Variants in F2 observed in about 807,000 individuals in gnomAD.
F2 encodes coagulation factor II, thrombin.
A neutral mutation model predicts 81.9 loss-of-function variants in F2; 34 were observed. That is an observed-to-expected ratio of 0.42 (90% confidence interval 0.32 to 0.55). The LOEUF is 0.55. F2 is among the 20% of genes least tolerant of loss of function. The pLI is 0.18. For missense variants in F2, 630 were observed against 833.4 expected, an observed-to-expected ratio of 0.76 and a Z score of 3.00; for synonymous variants, 296 against 326.4, an observed-to-expected ratio of 0.91 and a Z score of 1.01.
intron 12 of F2, among the ~76,000 whole-genome samples, chr11:46,734,400 A>G (rs2064932198): frequency 6.6e-6 from 1 of 151,852 alleles, no homozygotes. Flanking sequence ...GTTTTCTCCT[A>G]GTTTGTCAGT....
In F2 at chr11:46,726,148, T is replaced by C. The variant is rs200038743; in HGVS notation, c.849T>C (p.Phe283=). ...ATGTGGCCGGGAAGCCTGGCGACTT[T>C]GGGTACTGCGACCTCAACTATTGTG... The part of the protein sequence containing the change: ...WCYVAGKPGD[F]GYCDLNYCEE... Residue 283 remains phenylalanine, a synonymous_variant, in exon 7 of 14, where the codon TTT becomes TTC. Coordinates refer to ENST00000311907, the MANE Select transcript of F2 (RefSeq NM_000506.5). The surrounding 1 kb of genome is among the most constrained non-coding windows in gnomAD (Gnocchi z 5.9). 6.2e-7 allele frequency: 1 copy of C among 1,614,000 alleles called. No individual in the cohort carries two copies. Among genetic ancestry groups the C allele is most frequent in the Non-Finnish European group, 8.5e-7 (1 of 1,180,016 alleles).
chr11:46,720,756 C>T (rs1246042382), intron 3 of F2, 34 bp from the exon 4 acceptor site: 1 of 1,613,220 alleles, frequency 6.2e-7, no homozygotes, highest in Admixed American at 1.7e-5. Flanking sequence ...GGCCATACCC[C>T]AATCCCAAAG....
chr11:46,726,817 A>G lies in F2; in HGVS notation c.1110A>G (p.Ala370=), dbSNP rs1169950300. 2 of 1,614,158 alleles carry G rather than the reference A, an allele frequency of 1.2e-6. No individual in the cohort carries two copies. The highest frequency in any genetic ancestry group is 2.7e-5 in the African/African-American group (2 of 75,056). The stretch of plus-strand genomic sequence containing the variant: ...GGCGCATTGTGGAGGGCTCGGATGC[A>G]GAGATCGGCATGTCACCTTGGTGTG... The part of the protein sequence containing the change: ...IDGRIVEGSD[A]EIGMSPWQVM... The change falls in exon 9 of 14, where the codon GCA becomes GCG. Residue 370 remains alanine (A), a synonymous_variant. Coordinates refer to ENST00000311907, the MANE Select transcript of F2 (RefSeq NM_000506.5). This position sits in a 1 kb window ranked among gnomAD's most constrained non-coding sequence, Gnocchi z 5.9.
Position 46,729,541 on chromosome 11 carries a change from C to G in F2, c.1634C>G (p.Thr545Ser). 1 of 1,613,732 alleles carries G rather than the reference C, an allele frequency of 6.2e-7. No homozygotes were observed. Among genetic ancestry groups the G allele is most frequent in the Non-Finnish European group, 8.5e-7 (1 of 1,179,690 alleles). Residue 545 changes from threonine (T) to serine (S), a missense_variant, in exon 12 of 14, where the codon ACT becomes AGT. By Grantham distance (58) the Thr-to-Ser change is moderately conservative. Transcript: ENST00000311907. The part of the protein sequence containing the change: ...VCKDSTRIRI[T>S]DNMFCAGYKP... ...AAGGACTCCACCCGGATCCGCATCA[C>G]TGACAACATGTTCTGTGCTGGCAAG...
chr11:46,720,380 T>C, intron 2 of F2, 143 bp from the exon 3 acceptor site: 1 of 870,058 alleles, frequency 1.1e-6, no homozygotes, highest in South Asian at 1.4e-5. Flanking sequence ...GAAACAAAAG[T>C]AGGAAACTCT....
intron 12 of F2, 56 bp downstream of exon 12, chr11:46,729,617 A>T: frequency 6.3e-7 from 1 of 1,585,446 alleles, no homozygotes; most frequent in Non-Finnish European, 8.6e-7. Flanking sequence ...GGGAGAACTG[A>T]GTTGTGCCTG....
chr11:46,736,833 C>T (rs3136500), intron 12 of F2, among the ~76,000 whole-genome samples: 10,117 of 152,172 alleles, frequency 0.066, 389 homozygotes, highest in Non-Finnish European at 0.09. Context: ...TGTCAACATG[C>T]CTAGGTCTAT....
chr11:46,738,024 G>GTCC (rs909340174), intron 12 of F2, among the ~76,000 whole-genome samples: 4 of 151,736 alleles, frequency 2.6e-5, no homozygotes, highest in African/African-American at 9.7e-5. Context: ...TCGAGACAGA[G>GTCC]TCTTGTTCTG....
chr11:46,720,412 T>G (rs1171252151), intron 2 of F2, 111 bp from the exon 3 acceptor site: 2 of 1,262,130 alleles, frequency 1.6e-6, no homozygotes, highest in Non-Finnish European at 2.3e-6. Flanking sequence ...CCCCAGAGCC[T>G]GCCCCCTGCG....
intron 12 of F2, among the ~76,000 whole-genome samples, chr11:46,737,718 G>A (rs553026366): frequency 5.3e-5 from 8 of 152,240 alleles, no homozygotes; most frequent in South Asian, 2.1e-4. Context: ...TATTACGGGC[G>A]TGAGCCACTG....
chr11:46,728,537 A>G lies in F2; in HGVS notation c.1299-127A>G. 1 of 1,085,466 alleles carries G rather than the reference A, an allele frequency of 9.2e-7. No homozygotes were observed. The highest frequency in any genetic ancestry group is 1.3e-5 in the South Asian group (1 of 74,462). 67.2% of individuals were successfully genotyped at this position (1,085,466 alleles called of 1,614,324 possible). A position where few individuals can be genotyped will look rare whatever the true frequency, so the allele number is the denominator to read the frequency against. On this transcript the variant is annotated intron_variant, in intron 10 of 13. Coordinates refer to ENST00000311907, the MANE Select transcript of F2 (RefSeq NM_000506.5). This position sits in a 1 kb window ranked among gnomAD's most constrained non-coding sequence, Gnocchi z 5.1. ...CACCCAGGGGGCTGCCATGGCAGGAACCAGCCCTATCCCCTCCCTGGTGGC... is the reference window on the plus strand; with the variant it reads ...CACCCAGGGGGCTGCCATGGCAGGAGCCAGCCCTATCCCCTCCCTGGTGGC...
At chr11:46,734,689 T>C (rs1405273992) in intron 12 of F2, among the ~76,000 whole-genome samples, 1 of 152,104 alleles carries the variant, frequency 6.6e-6, no homozygotes, top group African/African-American at 2.4e-5. Flanking sequence ...CTGATGCCTG[T>C]AGTCCCAGCT....
intron 12 of F2, among the ~76,000 whole-genome samples, chr11:46,734,800 G>A (rs2064934540): frequency 6.6e-6 from 1 of 152,178 alleles, no homozygotes; most frequent in East Asian, 1.9e-4. Flanking sequence ...GACAGAGCAA[G>A]ACTCTGTCTC....
Position 46,739,406 on chromosome 11 carries a change from T to C in F2, c.1867T>C (p.Ter623GlnextTer?). The C allele has an allele frequency of 6.2e-7, 1 of 1,613,774 alleles. No homozygotes were observed. Among genetic ancestry groups the C allele is most frequent in the Non-Finnish European group, 8.5e-7 (1 of 1,179,958 alleles). Residue 623 changes from the stop codon to glutamine, a stop_lost, in exon 14 of 14, where the codon TAG (stop) becomes CAG (glutamine). Coordinates refer to ENST00000311907, the MANE Select transcript of F2 (RefSeq NM_000506.5). ...IQKVIDQFGE[*>Q] ...GAAGGTCATTGATCAGTTTGGAGAGTAGGGGGCCACTCATATTCTGGGCTC... is the reference window on the plus strand; with the variant it reads ...GAAGGTCATTGATCAGTTTGGAGAGCAGGGGGCCACTCATATTCTGGGCTC...
intron 6 of F2, 47 bp from the exon 7 acceptor site, chr11:46,725,812 T>C (rs2064867805): frequency 1.3e-6 from 2 of 1,599,098 alleles, no homozygotes; most frequent in Admixed American, 1.7e-5. Flanking sequence ...TTCCGGTCCA[T>C]GTGTGGTCTC....
In F2 at chr11:46,719,920, C is replaced by T. The variant is rs939420608; in HGVS notation, c.240+58C>T. The T allele has an allele frequency of 8.4e-6, 13 of 1,538,478 alleles. No homozygotes were observed. Among genetic ancestry groups the T allele is most frequent in the South Asian group, 6.0e-5 (5 of 83,910 alleles). ...CTCAGACCGGGCCCAACTCTAGACA[C>T]TTCCACAGAGAAGCAAGCGAGGAAC... is the stretch of plus-strand genomic sequence containing the variant. On this transcript the variant is annotated intron_variant, in intron 2 of 13. Coordinates refer to ENST00000311907, the MANE Select transcript of F2 (RefSeq NM_000506.5). This position sits in a 1 kb window ranked among gnomAD's most constrained non-coding sequence, Gnocchi z 4.7.
At chr11:46,720,956 A>G (rs2064832430) in intron 4 of F2, 116 bp downstream of exon 4, 5 of 1,048,614 alleles carry the variant, frequency 4.8e-6, no homozygotes, top group Middle Eastern at 2.2e-4. Context: ...AGCATCTGAC[A>G]TTGCTCCCAT....
intron 12 of F2, among the ~76,000 whole-genome samples, chr11:46,735,315 C>T (rs2134543601): frequency 6.6e-6 from 1 of 152,190 alleles, no homozygotes; most frequent in South Asian, 2.1e-4. Context: ...GTGGCGCATG[C>T]CTGTAGTACC....
intron 2 of F2, chr11:46,720,158 C>G (rs571204237): frequency 1.4e-5 from 8 of 556,130 alleles, no homozygotes; most frequent in Non-Finnish European, 2.6e-5. Flanking sequence ...GGCAGACTCC[C>G]ACACCACCCT....
Sources: allele counts gnomAD v4.1 joint callset (sites outside exome capture counted in the v4.1 genomes callset), GRCh38; gene constraint gnomAD v4.1.1; non-coding constraint Gnocchi (gnomAD v3.1); transcripts MANE v1.5; gene names NCBI Gene and HGNC (gene_info 2026-07-23, HGNC 2026-07-21).